The following TSPAN9 variants were observed in gnomAD, a reference collection of about 807,000 sequenced individuals.
TSPAN9 encodes the protein tetraspanin-9.
Under a neutral mutation model 31.0 loss-of-function variants are expected in TSPAN9, and 16 were observed. The ratio of observed to expected loss-of-function variants is 0.52; its 90% CI spans 0.35 to 0.78. TSPAN9 has a LOEUF of 0.78. TSPAN9 is among the 30% of genes least tolerant of loss of function. The pLI is 0.01. For synonymous variants in TSPAN9, 145 were observed against 121.6 expected (o/e 1.19, Z -1.27); for missense variants, 272 against 312.5 (o/e 0.87, Z 0.98).
chr12:3,157,342 C>A (rs1194407970), intron 2 of TSPAN9, among the ~76,000 whole-genome samples: 1 of 152,066 alleles, frequency 6.6e-6, no homozygotes, highest in Non-Finnish European at 1.5e-5. Context: ...ACCGCATGAT[C>A]CCCCCACCTC....
intron 2 of TSPAN9, among the ~76,000 whole-genome samples, chr12:3,085,700 C>T (rs1181098609): frequency 6.6e-6 from 1 of 152,108 alleles, no homozygotes; most frequent in Non-Finnish European, 1.5e-5. Context: ...GTTGGGTGAC[C>T]CACTGCCAAG....
intron 5 of TSPAN9, among the ~76,000 whole-genome samples, chr12:3,279,661 C>T (rs895664569): frequency 2.0e-5 from 3 of 152,244 alleles, no homozygotes; most frequent in Non-Finnish European, 4.4e-5. Context: ...TGGGGCGTGG[C>T]AGGCCCTTTG....
intron 3 of TSPAN9, among the ~76,000 whole-genome samples, chr12:3,209,883 C>T (rs931412946): frequency 4.0e-5 from 6 of 150,012 alleles, no homozygotes; most frequent in African/African-American, 1.5e-4. Flanking sequence ...GGCATGAACC[C>T]TGGAGGCAGA....
chr12:3,167,724 C>T (rs1195765875), intron 2 of TSPAN9, among the ~76,000 whole-genome samples: 4 of 152,120 alleles, frequency 2.6e-5, no homozygotes, highest in Non-Finnish European at 2.9e-5. Context: ...CGCTTGGGAT[C>T]GGGATGGCAG....
intron 3 of TSPAN9, 39 bp downstream of exon 3, chr12:3,201,295 C>T: frequency 1.9e-6 from 3 of 1,591,698 alleles, no homozygotes; most frequent in Admixed American, 1.7e-5. Flanking sequence ...GCCCTCTTCT[C>T]CTCCTCTTGG....
chr12:3,269,002 A>G (rs1489284123), intron 3 of TSPAN9, among the ~76,000 whole-genome samples: 13 of 92,428 alleles, frequency 1.4e-4, no homozygotes, highest in African/African-American at 6.1e-4. Flanking sequence ...GCGTTCCTGC[A>G]GCCTGCCCTC....
intron 2 of TSPAN9, among the ~76,000 whole-genome samples, chr12:3,186,366 AG>A (rs2098361307): frequency 6.6e-6 from 1 of 152,172 alleles, no homozygotes; most frequent in Admixed American, 6.5e-5. Context: ...TGGTCAGGGA[AG>A]GCCTCATGGA....
At chr12:3,119,661 C>T (rs941521604) in intron 2 of TSPAN9, among the ~76,000 whole-genome samples, 2 of 152,222 alleles carry the variant, frequency 1.3e-5, no homozygotes, top group African/African-American at 2.4e-5. Flanking sequence ...CTCCACTGAC[C>T]ACATCCTGTG....
intron 3 of TSPAN9, among the ~76,000 whole-genome samples, chr12:3,271,139 C>A (rs773845823): frequency 6.6e-6 from 1 of 152,190 alleles, no homozygotes; most frequent in Non-Finnish European, 1.5e-5. Context: ...GGTGTCATCT[C>A]CCTGACACCT....
At chr12:3,164,824 C>T (rs918302647) in intron 2 of TSPAN9, among the ~76,000 whole-genome samples, 1 of 152,220 alleles carries the variant, frequency 6.6e-6, no homozygotes, top group African/African-American at 2.4e-5. Flanking sequence ...CAAGGAGGTC[C>T]TGTCTTGGGT....
intron 3 of TSPAN9, 87 bp downstream of exon 3, chr12:3,201,343 T>A: frequency 7.7e-7 from 1 of 1,302,974 alleles, no homozygotes; most frequent in Non-Finnish European, 1.1e-6. Context: ...TCTTCTGTGC[T>A]GCATTGCTCT....
At chr12:3,118,146 C>T (rs371058903) in intron 2 of TSPAN9, among the ~76,000 whole-genome samples, 6 of 151,506 alleles carry the variant, frequency 4.0e-5, no homozygotes, top group Admixed American at 1.3e-4. Flanking sequence ...TGAGTTGATA[C>T]GTGAAGCATG....
rs1360541510 is a variant in TSPAN9, at chr12:3,285,665, G to C, written c.*2549G>C. ...AGCCTCTCTTCAGTTTCTCCTGACT[G>C]TGATCTCACTGGGGTAGAATTCCCC... On this transcript the variant is annotated 3_prime_UTR_variant, in exon 9 of 9. Coordinates refer to ENST00000011898, the MANE Select transcript of TSPAN9 (RefSeq NM_006675.5). 1 of 152,016 alleles carries C rather than the reference G, an allele frequency of 6.6e-6. No homozygotes were observed. Among genetic ancestry groups the C allele is most frequent in the Non-Finnish European group, 1.5e-5 (1 of 68,048 alleles). 9.4% of individuals were successfully genotyped at this position (152,016 alleles called of 1,614,324 possible). A position where few individuals can be genotyped will look rare whatever the true frequency, so the allele number is the denominator to read the frequency against.
chr12:3,096,341 C>G (rs1337685730), intron 2 of TSPAN9, among the ~76,000 whole-genome samples: 1 of 152,176 alleles, frequency 6.6e-6, no homozygotes, highest in African/African-American at 2.4e-5. Flanking sequence ...AGAGAACTGA[C>G]TTACTGGCAT....
chr12:3,190,893 C>T (rs1360852313), intron 2 of TSPAN9, among the ~76,000 whole-genome samples: 1 of 152,202 alleles, frequency 6.6e-6, no homozygotes, highest in Non-Finnish European at 1.5e-5. Context: ...ATGCCAAGTG[C>T]TTAGAAGACA....
rs781693596 is a variant in TSPAN9, at chr12:3,281,827, G to A, written c.648+10G>A. The A allele has an allele frequency of 5.0e-6, 8 of 1,613,742 alleles. No homozygotes were observed. The highest frequency in any genetic ancestry group is 4.5e-5 in the East Asian group (2 of 44,876). ...CATCCTCATCATGCAGGTAAGAGGG[G>A]CGTCCCCAGCAGCCTCACCCACCCT... On this transcript the variant is annotated intron_variant, in intron 8 of 8. Transcript: ENST00000011898.
At position 3,201,166 on chromosome 12, in the gene TSPAN9, GTT is replaced by G; in HGVS notation, c.-17-10_-17-9del. The G allele has an allele frequency of 6.2e-7, 1 of 1,612,152 alleles. No homozygotes were observed. The highest frequency in any genetic ancestry group is 8.5e-7 in the Non-Finnish European group (1 of 1,178,206). ...TGTTTTACCTGGACCTGTCCTTTGT[GTT>G]CCTCCTAGAATTTAAGAAGTGCAAC... is the stretch of plus-strand genomic sequence containing the variant. On this transcript the variant is annotated splice_polypyrimidine_tract_variant and intron_variant, in intron 2 of 8. Transcript: ENST00000011898.
intron 2 of TSPAN9, among the ~76,000 whole-genome samples, chr12:3,118,420 C>T (rs2098323589): frequency 6.6e-6 from 1 of 151,604 alleles, no homozygotes; most frequent in Non-Finnish European, 1.5e-5. Flanking sequence ...CACCATCATG[C>T]CCGGCTAATT....
At chr12:3,135,910 A>G (rs913191236) in intron 2 of TSPAN9, among the ~76,000 whole-genome samples, 6 of 152,170 alleles carry the variant, frequency 3.9e-5, no homozygotes, top group Admixed American at 1.3e-4. Flanking sequence ...ATACCCTTTT[A>G]GTAGAGTTCC....
Sources: allele counts gnomAD v4.1 joint callset (sites outside exome capture counted in the v4.1 genomes callset), GRCh38; gene constraint gnomAD v4.1.1; transcripts MANE v1.5; gene names NCBI Gene and HGNC (gene_info 2026-07-23, HGNC 2026-07-21).